TBC1D1: variants seen among roughly 807,000 people sequenced by gnomAD.
The protein encoded by TBC1D1 is TBC1 domain family member 1, also known as TBC1 (tre-2/USP6, BUB2, cdc16) domain family, member 1.
Under a neutral mutation model 125.6 loss-of-function variants are expected in TBC1D1, and 89 were observed. That is an observed-to-expected ratio of 0.71 (90% CI 0.60 to 0.85). TBC1D1 has a LOEUF of 0.85. Ranked by LOEUF, TBC1D1 falls within the 40% of genes least tolerant of loss-of-function variation. The probability of loss-of-function intolerance (pLI) is 0.00; values close to 1 mark genes in which losing one functional copy is unlikely to be tolerated. For synonymous variants in TBC1D1, 565 were observed against 564.1 expected, an observed-to-expected ratio of 1.00 and a Z score of -0.02; for missense variants, 1,377 against 1,469.2, an observed-to-expected ratio of 0.94 and a Z score of 1.03.
At chr4:38,033,477 C>T (rs1338551624) in intron 7 of TBC1D1, among the ~76,000 whole-genome samples, 2 of 152,080 alleles carry the variant, frequency 1.3e-5, no homozygotes, top group African/African-American at 2.4e-5. Context: ...TCCCCCACCC[C>T]ACAGTTTCTC....
At chr4:37,903,444 C>T (rs1716600830) in intron 2 of TBC1D1, among the ~76,000 whole-genome samples, 1 of 152,158 alleles carries the variant, frequency 6.6e-6, no homozygotes, top group African/African-American at 2.4e-5. Flanking sequence ...GTTTTGGGTG[C>T]CAAGCAAGCC....
chr4:38,000,862 A>G (rs1738911289), intron 2 of TBC1D1, among the ~76,000 whole-genome samples: 1 of 152,194 alleles, frequency 6.6e-6, no homozygotes, highest in Non-Finnish European at 1.5e-5. Flanking sequence ...AGGGTCAGTC[A>G]TTTGCTAGAA....
At chr4:37,906,368 G>C (rs538597393) in intron 2 of TBC1D1, among the ~76,000 whole-genome samples, 75 of 152,220 alleles carry the variant, frequency 4.9e-4, no homozygotes, top group African/African-American at 1.7e-3. Context: ...GGCTGGTCTC[G>C]AACTCCTGAC....
intron 2 of TBC1D1, among the ~76,000 whole-genome samples, chr4:37,990,757 C>G (rs1179262817): frequency 6.6e-5 from 10 of 152,138 alleles, no homozygotes; most frequent in African/African-American, 2.2e-4. Flanking sequence ...GAACATCGTA[C>G]CAAAGTTTGA....
chr4:38,047,844 A>C (rs1309718742), intron 10 of TBC1D1, among the ~76,000 whole-genome samples: 1 of 152,198 alleles, frequency 6.6e-6, no homozygotes, highest in African/African-American at 2.4e-5. Flanking sequence ...ACAGAGAAGA[A>C]GGCATTCTAG....
At chr4:38,111,331 A>G (rs773865866) in intron 15 of TBC1D1, among the ~76,000 whole-genome samples, 4 of 152,242 alleles carry the variant, frequency 2.6e-5, no homozygotes, top group Non-Finnish European at 4.4e-5. Flanking sequence ...GAAGGATGCC[A>G]TTCACTTTGA....
rs369705792 is a variant in TBC1D1, at chr4:37,902,288, C to T, written c.193C>T (p.Arg65Trp). Residue 65 changes from arginine (R) to tryptophan (W), a missense_variant, in exon 2 of 20, where the codon CGG becomes TGG. Transcript: ENST00000261439. ...AAAGGAACCTGTAACCAAGCAAGTCCGGCTTTGCGTTTCACCCTCTGGACT... is the reference window on the plus strand; with the variant it reads ...AAAGGAACCTGTAACCAAGCAAGTCTGGCTTTGCGTTTCACCCTCTGGACT... 12 of 1,613,944 alleles carry T rather than the reference C, an allele frequency of 7.4e-6. No homozygotes were observed. Among genetic ancestry groups the T allele is most frequent in the South Asian group, 5.5e-5 (5 of 91,082 alleles).
chr4:38,128,487 G>C (rs1050834448), intron 18 of TBC1D1, among the ~76,000 whole-genome samples: 1 of 152,164 alleles, frequency 6.6e-6, no homozygotes, highest in African/African-American at 2.4e-5. Context: ...TGCAGATGGT[G>C]GAGCATACTG....
chr4:38,099,572 CT>C (rs1759941150), intron 14 of TBC1D1, among the ~76,000 whole-genome samples: 1 of 152,168 alleles, frequency 6.6e-6, no homozygotes, highest in African/African-American at 2.4e-5. Context: ...TCACTTTCTT[CT>C]TTATACCTCT....
chr4:37,906,735 A>G (rs776008471), intron 2 of TBC1D1, among the ~76,000 whole-genome samples: 2 of 152,240 alleles, frequency 1.3e-5, no homozygotes, highest in Non-Finnish European at 2.9e-5. Context: ...AAATCCATGC[A>G]TAGTTTTTAA....
At chr4:38,065,565 G>A (rs1363423411) in intron 12 of TBC1D1, among the ~76,000 whole-genome samples, 2 of 151,372 alleles carry the variant, frequency 1.3e-5, no homozygotes, top group African/African-American at 2.4e-5. Flanking sequence ...AATAGCCATT[G>A]TAATTATCTT....
intron 2 of TBC1D1, among the ~76,000 whole-genome samples, chr4:38,005,657 T>C (rs1212817120): frequency 1.3e-5 from 2 of 152,240 alleles, no homozygotes. Context: ...ATCTTTTACC[T>C]TAGAAATGAA....
chr4:37,907,773 A>G (rs1001891497), intron 2 of TBC1D1, among the ~76,000 whole-genome samples: 1 of 152,166 alleles, frequency 6.6e-6, no homozygotes, highest in Non-Finnish European at 1.5e-5. Flanking sequence ...ACTCAGACCT[A>G]GAAACATTCT....
chr4:37,955,830 T>C (rs921244031), intron 2 of TBC1D1, among the ~76,000 whole-genome samples: 1 of 152,126 alleles, frequency 6.6e-6, no homozygotes, highest in Admixed American at 6.5e-5. Context: ...CTATTATGCA[T>C]ATAGATTATA....
Position 38,102,985 on chromosome 4 carries a change from T to C in TBC1D1, c.2399-14T>C, listed in dbSNP as rs1760645662. The C allele has an allele frequency of 3.1e-6, 5 of 1,609,084 alleles. No individual in the cohort carries two copies. Among genetic ancestry groups the C allele is most frequent in the Non-Finnish European group, 3.4e-6 (4 of 1,178,134 alleles). On this transcript the variant is annotated splice_polypyrimidine_tract_variant and intron_variant, in intron 14 of 19. Coordinates refer to ENST00000261439, the MANE Select transcript of TBC1D1 (RefSeq NM_015173.4). ...GTGCATAAATTATTTCCATGTCTTC[T>C]CTCCCTTTTAAAGGTGTGCCACGTC...
At chr4:37,932,167 G>A (rs1187859114) in intron 2 of TBC1D1, among the ~76,000 whole-genome samples, 1 of 152,172 alleles carries the variant, frequency 6.6e-6, no homozygotes, top group Non-Finnish European at 1.5e-5. Context: ...ATTTCTAAAG[G>A]ATGTGTCCAC....
At chr4:38,090,757 GTA>G (rs1264092425) in intron 13 of TBC1D1, among the ~76,000 whole-genome samples, 2 of 152,158 alleles carry the variant, frequency 1.3e-5, no homozygotes, top group Non-Finnish European at 2.9e-5. Context: ...GAGTCTTAGG[GTA>G]TCTAGAGAAC....
At chr4:38,018,946 T>C (rs1578292623) in intron 4 of TBC1D1, among the ~76,000 whole-genome samples, 1 of 152,132 alleles carries the variant, frequency 6.6e-6, no homozygotes, top group African/African-American at 2.4e-5. Flanking sequence ...CTATTTCTAC[T>C]TTACAAAAAT....
chr4:38,117,685 G>A (rs1243262972), intron 16 of TBC1D1, among the ~76,000 whole-genome samples: 1 of 152,228 alleles, frequency 6.6e-6, no homozygotes, highest in Non-Finnish European at 1.5e-5. Context: ...CTCCAGGCTT[G>A]AGTTGTGCAA....
Sources: gnomAD v4.1 joint callset for allele counts (sites outside exome capture counted in the v4.1 genomes callset) on GRCh38, gnomAD v4.1.1 for gene constraint, MANE v1.5 for transcripts, NCBI Gene and HGNC (gene_info 2026-07-23, HGNC 2026-07-21) for gene names.